Variants in ZFPM2 observed in about 807,000 individuals in gnomAD.
ZFPM2 encodes zinc finger protein, FOG family member 2.
In ZFPM2, 20 loss-of-function variants were observed where a neutral mutation model predicts 98.6. That is an observed-to-expected ratio of 0.20 (90% CI 0.14 to 0.29). ZFPM2 has a LOEUF of 0.29. ZFPM2 is among the 10% of genes least tolerant of loss of function. ZFPM2 has a pLI of 1.00. For synonymous variants in ZFPM2, 518 were observed against 502.7 expected, an observed-to-expected ratio of 1.03 and a Z score of -0.41; for missense variants, 1,310 against 1,388.6, an observed-to-expected ratio of 0.94 and a Z score of 0.90.
At chr8:105,665,538 A>C (rs990326948) in intron 5 of ZFPM2, among the ~76,000 whole-genome samples, 1 of 152,208 alleles carries the variant, frequency 6.6e-6, no homozygotes, top group African/African-American at 2.4e-5. Flanking sequence ...TTCTCTGTTC[A>C]GGAATGGTTT....
chr8:105,397,522 T>C (rs961049110), intron 1 of ZFPM2, among the ~76,000 whole-genome samples: 2 of 152,168 alleles, frequency 1.3e-5, no homozygotes, highest in Admixed American at 6.5e-5. Flanking sequence ...ATGATGCTAT[T>C]TGGTATTTCC....
chr8:105,717,667 C>A (rs1337574637), intron 5 of ZFPM2, among the ~76,000 whole-genome samples: 1 of 151,626 alleles, frequency 6.6e-6, no homozygotes, highest in African/African-American at 2.4e-5. Context: ...AGAGTTATTG[C>A]CTCAATTATC....
intron 5 of ZFPM2, among the ~76,000 whole-genome samples, chr8:105,734,379 A>ACCAGGAAATT (rs748899390): frequency 2.0e-5 from 3 of 151,972 alleles, no homozygotes; most frequent in Non-Finnish European, 2.9e-5. Context: ...TGTTTACTTT[A>ACCAGGAAATT]CCAGGAAATT....
chr8:105,459,662 G>A lies in ZFPM2; in HGVS notation c.301+15281G>A, dbSNP rs548619690. Among the ~76,000 whole-genome samples the A allele has an allele frequency of 2.0e-4, 31 of 152,122 alleles. No homozygotes were observed. In the East Asian group the frequency reaches 2.7e-3, roughly 13 times the overall value. ...ATGGCTGTCTTCTTGCTGCATCCTCGCCTTACTTTTTCTGCGTGTGTGAGG... is the reference window on the plus strand; with the variant it reads ...ATGGCTGTCTTCTTGCTGCATCCTCACCTTACTTTTTCTGCGTGTGTGAGG... On this transcript the variant is annotated intron_variant, in intron 3 of 7. Coordinates refer to ENST00000407775, the MANE Select transcript of ZFPM2 (RefSeq NM_012082.4).
At chr8:105,328,019 G>T (rs1812146507) in intron 1 of ZFPM2, among the ~76,000 whole-genome samples, 1 of 151,668 alleles carries the variant, frequency 6.6e-6, no homozygotes, top group Non-Finnish European at 1.5e-5. Flanking sequence ...TGTGAATTCA[G>T]TGCGAATCAT....
In ZFPM2 at chr8:105,697,779, T is replaced by C. The variant is rs535634646; in HGVS notation, c.532+63422T>C. 2.2e-4 allele frequency among the ~76,000 whole-genome samples: 33 copies of C among 152,304 alleles called. 1 individual carries two copies. The East Asian group carries it at 5.4e-3, about 25-fold the overall frequency. ...CATTACTTCAAAGGAGGCCAGACTG[T>C]ATTTTTAACATAGCTAAATATGAAT... On this transcript the variant is annotated intron_variant, in intron 5 of 7. Transcript: ENST00000407775.
intron 4 of ZFPM2, among the ~76,000 whole-genome samples, chr8:105,561,782 A>C (rs984877414): frequency 1.3e-5 from 2 of 152,108 alleles, no homozygotes; most frequent in African/African-American, 4.8e-5. Context: ...TAATATATAA[A>C]ATTGCCTTTA....
chr8:105,518,880 A>G (rs1813992759), intron 3 of ZFPM2, among the ~76,000 whole-genome samples: 1 of 152,208 alleles, frequency 6.6e-6, no homozygotes, highest in African/African-American at 2.4e-5. Flanking sequence ...ACTGATGACA[A>G]TTGTGCAAAC....
chr8:105,625,135 C>G (rs888864306), intron 4 of ZFPM2, among the ~76,000 whole-genome samples: 1 of 152,102 alleles, frequency 6.6e-6, no homozygotes, highest in South Asian at 2.1e-4. Flanking sequence ...TAGTGGTTCT[C>G]GTTATAGGAT....
chr8:105,799,634 A>C (rs1169281938), intron 7 of ZFPM2, among the ~76,000 whole-genome samples: 1 of 152,194 alleles, frequency 6.6e-6, no homozygotes, highest in East Asian at 1.9e-4. Context: ...TTTTAGTTTC[A>C]TTTCATAGCA....
intron 3 of ZFPM2, among the ~76,000 whole-genome samples, chr8:105,492,080 C>T (rs1370456000): frequency 1.3e-5 from 2 of 152,090 alleles, no homozygotes; most frequent in Non-Finnish European, 2.9e-5. Flanking sequence ...TTTTCAAAGC[C>T]TACAAACATC....
intron 5 of ZFPM2, among the ~76,000 whole-genome samples, chr8:105,700,679 T>C (rs1328616524): frequency 1.3e-5 from 2 of 152,150 alleles, no homozygotes; most frequent in African/African-American, 4.8e-5. Context: ...CACTGCAGCC[T>C]CCACCTTACG....
intron 1 of ZFPM2, chr8:105,358,428 A>G (rs1020326700): frequency 6.6e-6 from 1 of 152,210 alleles, no homozygotes; most frequent in African/African-American, 2.4e-5. Flanking sequence ...ATTGTGATGC[A>G]GTCCTAGAAT....
intron 5 of ZFPM2, among the ~76,000 whole-genome samples, chr8:105,719,334 C>G (rs1464373849): frequency 6.6e-6 from 1 of 151,836 alleles, no homozygotes; most frequent in Admixed American, 6.6e-5. Context: ...GTAAGTGATA[C>G]AAAAAGTACA....
chr8:105,648,431 T>C (rs111949244), intron 5 of ZFPM2, among the ~76,000 whole-genome samples: 14,624 of 152,256 alleles, frequency 0.096, 904 homozygotes, highest in Middle Eastern at 0.19. Context: ...CTTTTGGTGT[T>C]TTAGACATGA....
chr8:105,733,951 A>G (rs1812009593), intron 5 of ZFPM2, among the ~76,000 whole-genome samples: 2 of 151,936 alleles, frequency 1.3e-5, no homozygotes, highest in African/African-American at 4.8e-5. Flanking sequence ...AGGAAATGCA[A>G]CAGTCACAGG....
chr8:105,505,964 A>C (rs1362820059), intron 3 of ZFPM2, among the ~76,000 whole-genome samples: 2 of 152,162 alleles, frequency 1.3e-5, no homozygotes, highest in African/African-American at 2.4e-5. Context: ...GATATTTTTA[A>C]AGCAGGAATA....
In ZFPM2 at chr8:105,624,855, G is replaced by C. The variant is rs370968929; in HGVS notation, c.421-9391G>C. On this transcript the variant is annotated intron_variant, in intron 4 of 7. Coordinates refer to ENST00000407775, the MANE Select transcript of ZFPM2 (RefSeq NM_012082.4). ...ATTTTTGGTTCATAGAGATAAAACT[G>C]TCTGACATAAGGAGTATGGACATAA... Among the ~76,000 whole-genome samples the C allele has an allele frequency of 6.6e-5, 10 of 152,272 alleles. No individual in the cohort carries two copies. In the South Asian group the frequency reaches 1.7e-3, roughly 25 times the overall value.
chr8:105,342,768 G>T (rs1812453015), intron 1 of ZFPM2, among the ~76,000 whole-genome samples: 1 of 151,938 alleles, frequency 6.6e-6, no homozygotes, highest in Admixed American at 6.6e-5. Context: ...GATTCTGTTT[G>T]AAAGAAAAAC....
Sources: allele counts gnomAD v4.1 joint callset (sites outside exome capture counted in the v4.1 genomes callset), GRCh38; gene constraint gnomAD v4.1.1; transcripts MANE v1.5; gene names NCBI Gene and HGNC (gene_info 2026-07-23, HGNC 2026-07-21).